Variants in ARFGEF2 observed in about 807,000 individuals in gnomAD.
The protein encoded by ARFGEF2 is ARF guanine nucleotide exchange factor 2.
ARFGEF2 carries 74 observed loss-of-function variants against 219.9 expected under a neutral mutation model. That is an observed-to-expected ratio of 0.34 (90% CI 0.28 to 0.41). ARFGEF2 has a LOEUF of 0.41. ARFGEF2 is among the 10% of genes least tolerant of loss of function. The pLI is 1.00. For synonymous variants in ARFGEF2, 733 were observed against 799.2 expected (o/e 0.92, Z 1.40); for missense variants, 1,743 against 2,218.3 (o/e 0.79, Z 4.30).
intron 21 of ARFGEF2, among the ~76,000 whole-genome samples, chr20:48,991,490 T>C (rs1356996071): frequency 6.6e-6 from 1 of 151,860 alleles, no homozygotes; most frequent in African/African-American, 2.4e-5. Context: ...TTAGTCCTTA[T>C]GTACCTCTTG....
At chr20:48,929,023 T>C (rs1323261271) in intron 1 of ARFGEF2, among the ~76,000 whole-genome samples, 1 of 152,118 alleles carries the variant, frequency 6.6e-6, no homozygotes, top group Non-Finnish European at 1.5e-5. Flanking sequence ...CTTGTGAAAA[T>C]GTGTACTTAA....
intron 34 of ARFGEF2, among the ~76,000 whole-genome samples, chr20:49,020,421 G>T (rs896031416): frequency 1.3e-5 from 2 of 152,144 alleles, no homozygotes; most frequent in African/African-American, 4.8e-5. Context: ...TCTCTCCAAT[G>T]CCCAGTGATA....
chr20:49,036,307 C>A lies in ARFGEF2; in HGVS notation c.*3108C>A. 2.5e-6 allele frequency: 1 copy of A among 398,278 alleles called. No homozygotes were observed. The highest frequency in any genetic ancestry group is 2.1e-5 in the African/African-American group (1 of 48,726). 24.7% of individuals were successfully genotyped at this position (398,278 alleles called of 1,614,324 possible). A position where few individuals can be genotyped will look rare whatever the true frequency, so the allele number is the denominator to read the frequency against. ...AAAGCTGAGTGTTTTAAAGAATGAA[C>A]ATATCTGGAAATCCTTGCTCTCAAA... On this transcript the variant is annotated 3_prime_UTR_variant, in exon 39 of 39. Transcript: ENST00000371917.
chr20:49,031,991 C>T, intron 37 of ARFGEF2, 58 bp from the exon 38 acceptor site: 1 of 1,129,202 alleles, frequency 8.9e-7, no homozygotes. Context: ...TAGTTCTCCC[C>T]TGAATGTGAG....
At chr20:48,941,316 TCATATTTCTAATCCTCAGGGGTGGCA>T in intron 2 of ARFGEF2, 87 bp downstream of exon 2, 1 of 1,395,350 alleles carries the variant, frequency 7.2e-7, no homozygotes. Context: ...GCTTGGTTTC[TCATATTTCTAATCCTCAGGGGTGGCA>T]CACACTCTGC....
At chr20:48,945,962 T>A (rs146101672) in intron 3 of ARFGEF2, among the ~76,000 whole-genome samples, 48 of 152,352 alleles carry the variant, frequency 3.2e-4, no homozygotes, top group African/African-American at 1.1e-3. Context: ...CTTTGTTTAG[T>A]ATACAAAATG....
At chr20:48,951,578 G>A in intron 4 of ARFGEF2, 109 bp downstream of exon 4, 2 of 1,417,660 alleles carry the variant, frequency 1.4e-6, no homozygotes, top group Non-Finnish European at 2.0e-6. Flanking sequence ...GTGCTGAGGT[G>A]GAACAGAAAG....
chr20:48,950,810 AAATATATATATATATATATAT>A (rs1406844639), intron 3 of ARFGEF2, among the ~76,000 whole-genome samples: 2 of 41,108 alleles, frequency 4.9e-5, no homozygotes, highest in Middle Eastern at 0.024. Flanking sequence ...AAAAAAAAAA[AAATATATATATATATATATAT>A]ATATATATAT....
chr20:48,940,515 T>C lies in ARFGEF2; in HGVS notation c.122-684T>C, dbSNP rs148502478. Among the ~76,000 whole-genome samples the C allele has an allele frequency of 1.9e-4, 29 of 152,378 alleles. No homozygotes were observed. The East Asian group carries it at 5.6e-3, about 29-fold the overall frequency. ...TATGCATATTTGCACACAGTTGAGA[T>C]GTTGTGATATTACCATGTTATTGTG... On this transcript the variant is annotated intron_variant, in intron 1 of 38. Transcript: ENST00000371917.
chr20:48,961,633 G>A (rs534352224), intron 6 of ARFGEF2, among the ~76,000 whole-genome samples: 7 of 152,174 alleles, frequency 4.6e-5, no homozygotes, highest in Non-Finnish European at 1.0e-4. Flanking sequence ...GGAGGCTGAG[G>A]CAGGCAGATC....
At chr20:48,953,269 C>G (rs1235454165) in intron 5 of ARFGEF2, among the ~76,000 whole-genome samples, 1 of 151,272 alleles carries the variant, frequency 6.6e-6, no homozygotes, top group Non-Finnish European at 1.5e-5. Flanking sequence ...TTGACCTTCC[C>G]AGCTCAAGCA....
chr20:48,927,398 A>C (rs1432966883), intron 1 of ARFGEF2, among the ~76,000 whole-genome samples: 3 of 152,156 alleles, frequency 2.0e-5, no homozygotes, highest in Non-Finnish European at 4.4e-5. Context: ...CTCTAAATTG[A>C]TGTAACGTGG....
In ARFGEF2 at chr20:49,028,622, G is replaced by A; in HGVS notation, c.5017G>A (p.Glu1673Lys). The A allele has an allele frequency of 6.2e-7, 1 of 1,614,178 alleles. No homozygotes were observed. The highest frequency in any genetic ancestry group is 8.5e-7 in the Non-Finnish European group (1 of 1,180,012). Residue 1673 changes from glutamate (E) to lysine (K), a missense_variant, in exon 37 of 39, where the codon GAG (glutamate) becomes AAG (lysine). Glu to Lys is a moderately conservative substitution (Grantham distance 56). Coordinates refer to ENST00000371917, the MANE Select transcript of ARFGEF2 (RefSeq NM_006420.3). ...LRILFRMYVD[E>K]NRRDSWEEIQ... ...GATCCTGTTTCGAATGTATGTTGAT[G>A]AGAACCGCAGGGATTCCTGGGAAGA...
At chr20:48,969,023 C>G (rs2091208766) in intron 8 of ARFGEF2, 124 bp from the exon 9 acceptor site, 1 of 872,142 alleles carries the variant, frequency 1.1e-6, no homozygotes. Context: ...TGCAATGGTG[C>G]CATCATGGCT....
Position 48,969,301 on chromosome 20 carries a change from C to T in ARFGEF2, c.1190+24C>T, listed in dbSNP as rs559997615. ...AAGTAAGCAGACAGCAGTTCTTGGC[C>T]ACCTTCAGTCCAATGATCCAGCAGC... is the stretch of plus-strand genomic sequence containing the variant. On this transcript the variant is annotated intron_variant, in intron 9 of 38. Transcript: ENST00000371917. 6 of 1,614,014 alleles carry T rather than the reference C, an allele frequency of 3.7e-6. No individual in the cohort carries two copies. In the East Asian group the frequency reaches 6.7e-5, roughly 18 times the overall value.
At chr20:49,032,933 AGTTCCAGG>A in intron 38 of ARFGEF2, 82 bp from the exon 39 acceptor site, 2 of 1,239,266 alleles carry the variant, frequency 1.6e-6, no homozygotes, top group Non-Finnish European at 2.3e-6. Flanking sequence ...TATTGTAATA[AGTTCCAGG>A]GTGAGATTAA....
At chr20:48,987,389 CCTT>C (rs1346460394) in intron 16 of ARFGEF2, among the ~76,000 whole-genome samples, 3 of 152,216 alleles carry the variant, frequency 2.0e-5, no homozygotes, top group Non-Finnish European at 2.9e-5. Flanking sequence ...CACATGTTGT[CCTT>C]CTCTTCTTGC....
intron 14 of ARFGEF2, among the ~76,000 whole-genome samples, chr20:48,976,457 C>G (rs1376302460): frequency 1.3e-5 from 2 of 151,976 alleles, no homozygotes; most frequent in East Asian, 3.8e-4. Flanking sequence ...AATAATAAAA[C>G]CAATTTAGAA....
chr20:49,023,204 A>G (rs778402784), intron 35 of ARFGEF2, 23 bp downstream of exon 35: 1 of 1,613,738 alleles, frequency 6.2e-7, no homozygotes, highest in Non-Finnish European at 8.5e-7. Flanking sequence ...GGCCTCAGGA[A>G]GAGCATCCCT....
Sources: allele counts gnomAD v4.1 joint callset (sites outside exome capture counted in the v4.1 genomes callset), GRCh38; gene constraint gnomAD v4.1.1; transcripts MANE v1.5; gene names NCBI Gene and HGNC (gene_info 2026-07-23, HGNC 2026-07-21).